WAPL: variants seen among roughly 807,000 people sequenced by gnomAD.
WAPL encodes the protein WAPL cohesin release factor.
Under a neutral mutation model 121.0 loss-of-function variants are expected in WAPL, and 5 were observed. The observed-to-expected ratio is 0.04, with a 90% CI of 0.02 to 0.09. WAPL has a LOEUF of 0.09. WAPL is among the 10% of genes least tolerant of loss of function. The pLI, the probability that WAPL is intolerant of heterozygous loss-of-function variation, is 1.00. For missense variants in WAPL, 999 were observed against 1,410.8 expected, an observed-to-expected ratio of 0.71 and a Z score of 4.68; for synonymous variants, 480 against 481.5, an observed-to-expected ratio of 1.00 and a Z score of 0.04.
chr10:86,457,327 T>TTAAAA (rs371813595), intron 12 of WAPL, among the ~76,000 whole-genome samples: 1 of 111,228 alleles, frequency 9.0e-6, no homozygotes, highest in African/African-American at 3.8e-5. Context: ...CTGTATCTAT[T>TTAAAA]AAAAAAAAAA....
At chr10:86,483,123 G>C (rs1589521150) in intron 4 of WAPL, among the ~76,000 whole-genome samples, 2 of 152,264 alleles carry the variant, frequency 1.3e-5, no homozygotes, top group Non-Finnish European at 1.5e-5. Flanking sequence ...AGTCCTATAA[G>C]GGTACAGTAC....
At chr10:86,497,588 A>G (rs1030851644) in intron 3 of WAPL, among the ~76,000 whole-genome samples, 2 of 152,198 alleles carry the variant, frequency 1.3e-5, no homozygotes, top group African/African-American at 4.8e-5. Flanking sequence ...GGAAAAATCA[A>G]ATCTTTTCCA....
chr10:86,499,859 C>T lies in WAPL; in HGVS notation c.1384G>A (p.Glu462Lys). Residue 462 changes from glutamate to lysine, a missense_variant, in exon 3 of 19, where the codon GAA becomes AAA. Coordinates refer to ENST00000298767, the MANE Select transcript of WAPL (RefSeq NM_015045.5). ...TGACAGTCATCATCTTCATCATCTTCGCTTTCACTGAGATCATCAAAGCCA... is the reference window on the plus strand; with the variant it reads ...TGACAGTCATCATCTTCATCATCTTTGCTTTCACTGAGATCATCAAAGCCA... ...YFGFDDLSES[E>K]DDEDDDCQVE... 1 of 1,613,940 alleles carries T rather than the reference C, an allele frequency of 6.2e-7. No homozygotes were observed. The highest frequency in any genetic ancestry group is 8.5e-7 in the Non-Finnish European group (1 of 1,179,982).
Position 86,472,881 on chromosome 10 carries a change from G to A in WAPL, c.1741-117C>T, listed in dbSNP as rs1171380696. 44 of 1,063,184 alleles carry A rather than the reference G, an allele frequency of 4.1e-5. No homozygotes were observed. Among genetic ancestry groups the A allele is most frequent in the Non-Finnish European group, 5.3e-5 (41 of 771,650 alleles). The allele number at this position is 1,063,184 out of a possible 1,614,324, so 65.9% of individuals were successfully genotyped here. On this transcript the variant is annotated intron_variant, in intron 5 of 18. Transcript: ENST00000298767. The surrounding 1 kb of genome is among the most constrained non-coding windows in gnomAD (Gnocchi z 4.2). ...GTAAATAAAGCTTTTTAAAAAGCAG[G>A]GAGCAGGGAGGCCTCTCAAAGGTCT...
rs773955272 is a variant in WAPL at position 86,446,279 on chromosome 10, C to T, written c.3285G>A (p.Lys1095=). Residue 1095 remains lysine (K), a synonymous_variant, in exon 16 of 19, where the codon AAG becomes AAA. Transcript: ENST00000298767. ...CAAGTTCTTCATCCTCCTCCTCCTTCTTATGTTTCTCTTCTGTACCATCAG... is the reference window on the plus strand; with the variant it reads ...CAAGTTCTTCATCCTCCTCCTCCTTTTTATGTTTCTCTTCTGTACCATCAG... ...EKTDGTEEKH[K]KEEEDEELDL... is the part of the protein sequence containing the mutation. 6.2e-7 allele frequency: 1 copy of T among 1,614,110 alleles called. No individual in the cohort carries two copies. The highest frequency in any genetic ancestry group is 8.5e-7 in the Non-Finnish European group (1 of 1,180,016).
intron 5 of WAPL, 26 bp downstream of exon 5, chr10:86,473,852 A>T (rs769814043): frequency 6.5e-7 from 1 of 1,550,340 alleles, no homozygotes; most frequent in Admixed American, 1.7e-5. Flanking sequence ...TAAAAAACAC[A>T]AAATAAATAA....
intron 17 of WAPL, among the ~76,000 whole-genome samples, chr10:86,439,592 T>C (rs1849411461): frequency 6.6e-6 from 1 of 152,220 alleles, no homozygotes; most frequent in Non-Finnish European, 1.5e-5. Flanking sequence ...TGATACAGCA[T>C]GGCCTATTTG....
intron 4 of WAPL, among the ~76,000 whole-genome samples, chr10:86,478,265 C>CA (rs887990170): frequency 6.6e-6 from 1 of 151,770 alleles, no homozygotes; most frequent in Non-Finnish European, 1.5e-5. Context: ...TCAGTCTCTA[C>CA]AAAAAATACA....
chr10:86,486,731 A>C (rs1277736678), intron 4 of WAPL, among the ~76,000 whole-genome samples: 1 of 152,158 alleles, frequency 6.6e-6, no homozygotes, highest in Non-Finnish European at 1.5e-5. Context: ...CGAGACCGGC[A>C]GATGGCTAGA....
At chr10:86,462,623 G>A (rs1171434147) in intron 9 of WAPL, among the ~76,000 whole-genome samples, 1 of 151,350 alleles carries the variant, frequency 6.6e-6, no homozygotes, top group African/African-American at 2.4e-5. Context: ...GGGAGGCTGA[G>A]GCAGGAGGAA....
intron 15 of WAPL, among the ~76,000 whole-genome samples, chr10:86,451,742 A>G (rs1327627060): frequency 1.3e-5 from 2 of 151,910 alleles, no homozygotes; most frequent in Non-Finnish European, 2.9e-5. Flanking sequence ...ATAAGCTTTC[A>G]CCCTAGACGC....
chr10:86,501,503 C>T (rs560551210), intron 2 of WAPL, among the ~76,000 whole-genome samples: 1 of 152,276 alleles, frequency 6.6e-6, no homozygotes, highest in East Asian at 1.9e-4. Flanking sequence ...TCAACATTTA[C>T]TTGTAGAAAA....
At chr10:86,520,589 G>A (rs1230330959) in intron 1 of WAPL, among the ~76,000 whole-genome samples, 1 of 152,002 alleles carries the variant, frequency 6.6e-6, no homozygotes, top group Non-Finnish European at 1.5e-5. Flanking sequence ...TAAGTGTGCA[G>A]ACGTCCTTGA....
intron 2 of WAPL, 88 bp downstream of exon 2, chr10:86,517,483 C>G: frequency 6.9e-7 from 1 of 1,452,706 alleles, no homozygotes; most frequent in Non-Finnish European, 9.1e-7. Context: ...AGAAAGAAAA[C>G]ACAATATATA....
At chr10:86,479,433 T>C (rs2132200903) in intron 4 of WAPL, among the ~76,000 whole-genome samples, 1 of 152,292 alleles carries the variant, frequency 6.6e-6, no homozygotes, top group Middle Eastern at 3.4e-3. Context: ...TTTGTATTTC[T>C]AGTAGAGATG....
intron 9 of WAPL, among the ~76,000 whole-genome samples, chr10:86,463,941 T>C (rs917123536): frequency 2.0e-5 from 3 of 152,188 alleles, no homozygotes; most frequent in Non-Finnish European, 4.4e-5. Context: ...AGTCTAGATG[T>C]GTGGCAGGTT....
chr10:86,481,494 C>T (rs1027206408), intron 4 of WAPL, among the ~76,000 whole-genome samples: 2 of 152,172 alleles, frequency 1.3e-5, no homozygotes, highest in Non-Finnish European at 2.9e-5. Flanking sequence ...CTGCCTCAGC[C>T]TCCCGAGTAG....
At chr10:86,465,355 AC>A (rs1238255142) in intron 9 of WAPL, among the ~76,000 whole-genome samples, 3 of 152,072 alleles carry the variant, frequency 2.0e-5, no homozygotes, top group Non-Finnish European at 4.4e-5. Context: ...ACAGGCACCC[AC>A]CACCACGCAC....
intron 2 of WAPL, among the ~76,000 whole-genome samples, chr10:86,515,235 TG>T (rs1842532587): frequency 6.8e-6 from 1 of 146,816 alleles, no homozygotes; most frequent in African/African-American, 2.5e-5. Flanking sequence ...CACTCCAGCC[TG>T]GGGGGACAAG....
Sources: allele counts gnomAD v4.1 joint callset (sites outside exome capture counted in the v4.1 genomes callset), GRCh38; gene constraint gnomAD v4.1.1; non-coding constraint Gnocchi (gnomAD v3.1); transcripts MANE v1.5; gene names NCBI Gene and HGNC (gene_info 2026-07-23, HGNC 2026-07-21).